Variants in DCTN4 observed in about 807,000 individuals in gnomAD.
DCTN4 encodes dynactin 4 (p62).
Under a neutral mutation model 62.7 loss-of-function variants are expected in DCTN4, and 23 were observed. The ratio of observed to expected loss-of-function variants is 0.37; its 90% CI spans 0.26 to 0.52. The LOEUF (loss-of-function observed/expected upper bound fraction) is 0.52. Ranked by LOEUF, DCTN4 falls within the 20% of genes least tolerant of loss-of-function variation. The probability of loss-of-function intolerance (pLI) is 0.92; values close to 1 mark genes in which losing one functional copy is unlikely to be tolerated. For synonymous variants in DCTN4, 199 were observed against 202.1 expected (o/e 0.98, Z 0.13); for missense variants, 514 against 580.4 (o/e 0.89, Z 1.18).
chr5:150,758,651 C>T, intron 1 of DCTN4: 2 of 1,253,910 alleles, frequency 1.6e-6, no homozygotes, highest in Non-Finnish European at 2.1e-6. Flanking sequence ...CGCTCTAGAA[C>T]CAGAAGATCC....
intron 3 of DCTN4, among the ~76,000 whole-genome samples, chr5:150,744,521 C>A (rs1760888646): frequency 1.3e-5 from 2 of 152,120 alleles, no homozygotes; most frequent in African/African-American, 4.8e-5. Context: ...AAAGAAAAAA[C>A]TTAAAGGGCA....
At chr5:150,730,989 CA>C in intron 7 of DCTN4, 54 bp downstream of exon 7, 1 of 1,130,634 alleles carries the variant, frequency 8.8e-7, no homozygotes, top group East Asian at 2.3e-5. Context: ...ACATAAATAA[CA>C]AAAACAGAAT....
intron 11 of DCTN4, among the ~76,000 whole-genome samples, chr5:150,716,748 T>C (rs1188928333): frequency 6.6e-6 from 1 of 152,036 alleles, no homozygotes; most frequent in Non-Finnish European, 1.5e-5. Flanking sequence ...TGAAACCCCG[T>C]CTCTACTAAA....
At chr5:150,742,214 T>C (rs1760794842) in intron 3 of DCTN4, 57 bp from the exon 4 acceptor site, 2 of 1,555,206 alleles carry the variant, frequency 1.3e-6, no homozygotes, top group South Asian at 2.2e-5. Flanking sequence ...TTTATTTTCA[T>C]AAAACAAGTC....
chr5:150,735,092 GC>G (rs1760527059), intron 4 of DCTN4, among the ~76,000 whole-genome samples: 1 of 152,118 alleles, frequency 6.6e-6, no homozygotes, highest in South Asian at 2.1e-4. Flanking sequence ...GAGCTTTATG[GC>G]CCCACTGATC....
At chr5:150,725,619 T>C (rs188524962) in intron 8 of DCTN4, among the ~76,000 whole-genome samples, 1 of 152,352 alleles carries the variant, frequency 6.6e-6, no homozygotes, top group East Asian at 1.9e-4. Flanking sequence ...TATTTCTTCT[T>C]TTCTAATATA....
intron 1 of DCTN4, chr5:150,758,065 T>C (rs951963901): frequency 1.9e-5 from 19 of 983,576 alleles, no homozygotes; most frequent in African/African-American, 8.7e-5. Context: ...ATCAGCTTTT[T>C]CTTCACTAAG....
intron 11 of DCTN4, among the ~76,000 whole-genome samples, chr5:150,717,956 A>G (rs1483724405): frequency 3.9e-5 from 6 of 152,252 alleles, no homozygotes; most frequent in Non-Finnish European, 8.8e-5. Flanking sequence ...GAGCAATGCT[A>G]AATGACCAGC....
chr5:150,731,643 A>G, intron 5 of DCTN4, 154 bp from the exon 6 acceptor site: 1 of 652,680 alleles, frequency 1.5e-6, no homozygotes, highest in Non-Finnish European at 2.6e-6. Context: ...AGCAATTTGT[A>G]GCCCCACATC....
intron 3 of DCTN4, among the ~76,000 whole-genome samples, chr5:150,744,754 G>A (rs148904835): frequency 0.042 from 6,297 of 151,610 alleles, 462 homozygotes; most frequent in African/African-American, 0.14. Context: ...AGATTTTGTC[G>A]CCACCAGGCC....
chr5:150,723,123 T>A, intron 8 of DCTN4, 143 bp from the exon 9 acceptor site: 1 of 602,402 alleles, frequency 1.7e-6, no homozygotes, highest in South Asian at 2.2e-5. Flanking sequence ...TTTTGAATAA[T>A]GTATAGCAGC....
intron 4 of DCTN4, among the ~76,000 whole-genome samples, chr5:150,740,042 C>T (rs1355134408): frequency 6.6e-6 from 1 of 152,068 alleles, no homozygotes; most frequent in African/African-American, 2.4e-5. Flanking sequence ...ACCAAGAACC[C>T]AAAAGCAAAT....
intron 4 of DCTN4, among the ~76,000 whole-genome samples, chr5:150,735,790 T>A (rs1199846223): frequency 6.6e-6 from 1 of 151,258 alleles, no homozygotes; most frequent in Non-Finnish European, 1.5e-5. Context: ...TCACCAGCAA[T>A]GGATCCAAAC....
chr5:150,752,870 ATTT>A (rs1240255796), intron 3 of DCTN4, among the ~76,000 whole-genome samples: 1 of 144,386 alleles, frequency 6.9e-6, no homozygotes, highest in Non-Finnish European at 1.5e-5. Context: ...ATCTTTAAAG[ATTT>A]TTTTTTTTTT....
At chr5:150,749,677 A>G (rs1416211851) in intron 3 of DCTN4, among the ~76,000 whole-genome samples, 1 of 151,796 alleles carries the variant, frequency 6.6e-6, no homozygotes, top group Non-Finnish European at 1.5e-5. Context: ...AAAAATAAAA[A>G]TAGTTTGGCA....
intron 4 of DCTN4, among the ~76,000 whole-genome samples, chr5:150,739,297 C>T (rs1760690391): frequency 6.6e-6 from 1 of 151,824 alleles, no homozygotes; most frequent in African/African-American, 2.4e-5. Flanking sequence ...AAATCAAGAA[C>T]TCAACCCTGT....
At chr5:150,716,496 A>G (rs1399927693) in intron 11 of DCTN4, among the ~76,000 whole-genome samples, 1 of 152,212 alleles carries the variant, frequency 6.6e-6, no homozygotes, top group African/African-American at 2.4e-5. Flanking sequence ...AACAGTGTTG[A>G]TCAAATTTCT....
chr5:150,712,765 A>G (rs1368125046), intron 12 of DCTN4, among the ~76,000 whole-genome samples: 1 of 152,214 alleles, frequency 6.6e-6, no homozygotes, highest in Non-Finnish European at 1.5e-5. Flanking sequence ...TTGTGCTTTA[A>G]TAACTTAGTT....
At chr5:150,719,490 C>T (rs1759885605) in intron 10 of DCTN4, among the ~76,000 whole-genome samples, 1 of 152,184 alleles carries the variant, frequency 6.6e-6, no homozygotes, top group Non-Finnish European at 1.5e-5. Context: ...CCTATAATTT[C>T]ACCTTAACAT....
Sources: gnomAD v4.1 joint callset for allele counts (sites outside exome capture counted in the v4.1 genomes callset) on GRCh38, gnomAD v4.1.1 for gene constraint, MANE v1.5 for transcripts, NCBI Gene and HGNC (gene_info 2026-07-23, HGNC 2026-07-21) for gene names.